Variants in TLL1 observed in about 807,000 individuals in gnomAD.
TLL1 encodes tolloid like 1, also known as tolloid-like protein 1.
In TLL1, 49 loss-of-function variants were observed where a neutral mutation model predicts 128.2. The observed-to-expected ratio is 0.38, with a 90% CI of 0.30 to 0.48. The LOEUF (loss-of-function observed/expected upper bound fraction) is 0.48, where lower values mean the gene tolerates loss of function less well. TLL1 is among the 20% of genes least tolerant of loss of function. The pLI is 0.96. For synonymous variants in TLL1, 454 were observed against 418.8 expected, an observed-to-expected ratio of 1.08 and a Z score of -1.03; for missense variants, 1,123 against 1,242.0, an observed-to-expected ratio of 0.90 and a Z score of 1.44.
chr4:166,091,189 T>C lies in TLL1; in HGVS notation c.2504T>C (p.Phe835Ser), dbSNP rs1451278389. Reference sequence around the variant, plus strand: ...TGTGCTTATGACCACTTAGAAGTATTTGATGGAGAAACAGAAAAGTCACCG... The same window carrying C: ...TGTGCTTATGACCACTTAGAAGTATCTGATGGAGAAACAGAAAAGTCACCG... The part of the protein sequence containing the change: ...QECAYDHLEV[F>S]DGETEKSPIL... Residue 835 changes from phenylalanine (F) to serine (S), a missense_variant, in exon 19 of 21, where the codon TTT becomes TCT. This residue lies in a region of TLL1 where 634 missense variants were observed against 672.4 expected (regional missense o/e 0.94). Coordinates refer to ENST00000061240, the MANE Select transcript of TLL1 (RefSeq NM_012464.5). 6.2e-7 allele frequency: 1 copy of C among 1,613,144 alleles called. No individual in the cohort carries two copies. The highest frequency in any genetic ancestry group is 8.5e-7 in the Non-Finnish European group (1 of 1,179,500).
intron 1 of TLL1, among the ~76,000 whole-genome samples, chr4:165,905,533 G>T (rs554805999): frequency 6.6e-6 from 1 of 152,116 alleles, no homozygotes; most frequent in East Asian, 1.9e-4. Context: ...ATTCTTCCTG[G>T]TTATTGTGAT....
intron 1 of TLL1, among the ~76,000 whole-genome samples, chr4:165,963,488 C>T (rs1197118402): frequency 6.6e-6 from 1 of 151,738 alleles, no homozygotes; most frequent in East Asian, 1.9e-4. Context: ...TCATTTTTTT[C>T]TCTCTTTATC....
intron 1 of TLL1, among the ~76,000 whole-genome samples, chr4:165,948,147 T>C (rs571980130): frequency 6.6e-6 from 1 of 152,238 alleles, no homozygotes; most frequent in Admixed American, 6.6e-5. Context: ...TGGATACTGC[T>C]TTGTACCCGT....
chr4:166,044,276 CCTA>C, intron 12 of TLL1: 1 of 995,190 alleles, frequency 1.0e-6, no homozygotes, highest in East Asian at 2.7e-5. Flanking sequence ...AGTCATGAGC[CCTA>C]CTACCCAGTG....
At chr4:165,993,410 AT>A (rs1188706705) in intron 3 of TLL1, among the ~76,000 whole-genome samples, 1 of 152,056 alleles carries the variant, frequency 6.6e-6, no homozygotes, top group Non-Finnish European at 1.5e-5. Context: ...TGTATTAAAA[AT>A]TATTTGTAGA....
chr4:166,098,351 A>G (rs1742124710), intron 19 of TLL1, among the ~76,000 whole-genome samples: 1 of 150,734 alleles, frequency 6.6e-6, no homozygotes, highest in South Asian at 2.1e-4. Flanking sequence ...AAAAAAAAAA[A>G]AAAAGCTTTG....
chr4:165,919,556 CATA>C lies in TLL1; in HGVS notation c.169+45486_169+45488del, dbSNP rs952300739. Among the ~76,000 whole-genome samples the C allele has an allele frequency of 1.4e-3, 210 of 151,484 alleles. 1 individual carries two copies. Among genetic ancestry groups the C allele is most frequent in the African/African-American group, 4.9e-3 (203 of 41,268 alleles). On this transcript the variant is annotated intron_variant, in intron 1 of 20. Transcript: ENST00000061240. Reference sequence around the variant, plus strand: ...TAATTAACTGACTTTCTGTGTATTCCATAATTATTTGGAATATGGAGTTGTAAT... The same window carrying C: ...TAATTAACTGACTTTCTGTGTATTCCATTATTTGGAATATGGAGTTGTAAT...
intron 1 of TLL1, among the ~76,000 whole-genome samples, chr4:165,875,486 G>T (rs1730685185): frequency 6.6e-6 from 1 of 151,948 alleles, no homozygotes; most frequent in African/African-American, 2.4e-5. Flanking sequence ...CTGGAACTCA[G>T]AATTCTGATT....
chr4:166,055,294 CGT>C, intron 13 of TLL1, 23 bp downstream of exon 13: 16 of 1,598,962 alleles, frequency 1.0e-5, no homozygotes, highest in Non-Finnish European at 1.4e-5. Flanking sequence ...AATTTTCAAA[CGT>C]GAGATTTTCT....
chr4:165,956,955 T>A (rs2110950791), intron 1 of TLL1, among the ~76,000 whole-genome samples: 2 of 152,094 alleles, frequency 1.3e-5, no homozygotes, highest in African/African-American at 4.8e-5. Flanking sequence ...CACAATTGCA[T>A]CTACAAAACA....
At chr4:165,884,293 A>T (rs1731083484) in intron 1 of TLL1, among the ~76,000 whole-genome samples, 1 of 152,202 alleles carries the variant, frequency 6.6e-6, no homozygotes, top group Admixed American at 6.5e-5. Context: ...ACTATTATAA[A>T]TTATGGTAAT....
chr4:165,972,817 T>A lies in TLL1; in HGVS notation c.170-16564T>A, dbSNP rs10026709. Among the ~76,000 whole-genome samples the A allele has an allele frequency of 6.6e-3, 1,002 of 152,308 alleles. 12 individuals carry two copies. The highest frequency in any genetic ancestry group is 0.023 in the African/African-American group (957 of 41,562). ...TAATACCACCTTCTACCATCAGTCT[T>A]GGCCTTCAGAGGAACATCAAGTCTG... On this transcript the variant is annotated intron_variant, in intron 1 of 20. Coordinates refer to ENST00000061240, the MANE Select transcript of TLL1 (RefSeq NM_012464.5).
chr4:165,884,415 A>G (rs1294035459), intron 1 of TLL1, among the ~76,000 whole-genome samples: 1 of 152,244 alleles, frequency 6.6e-6, no homozygotes, highest in Non-Finnish European at 1.5e-5. Flanking sequence ...CTTTTAAGTA[A>G]GTACTTTGTA....
intron 1 of TLL1, among the ~76,000 whole-genome samples, chr4:165,957,965 GT>G: frequency 6.7e-6 from 1 of 149,176 alleles, no homozygotes; most frequent in South Asian, 2.1e-4. Flanking sequence ...GCGGTGTTTG[GT>G]TTTTTGTCCT....
At chr4:166,089,970 A>T (rs1378807908) in intron 18 of TLL1, among the ~76,000 whole-genome samples, 4 of 152,034 alleles carry the variant, frequency 2.6e-5, no homozygotes, top group Admixed American at 2.6e-4. Context: ...GTGGTATGGA[A>T]TAGACAGTGG....
At chr4:165,886,874 C>A (rs1045938713) in intron 1 of TLL1, among the ~76,000 whole-genome samples, 100 of 152,072 alleles carry the variant, frequency 6.6e-4, no homozygotes, top group Non-Finnish European at 3.1e-4. Context: ...AATTATGCAT[C>A]TCAGGGAAGG....
intron 18 of TLL1, among the ~76,000 whole-genome samples, chr4:166,087,430 C>T (rs1011902254): frequency 1.3e-5 from 2 of 152,074 alleles, no homozygotes; most frequent in Admixed American, 6.6e-5. Context: ...CTCCATGACG[C>T]CATTTTTTTC....
chr4:165,974,387 G>C (rs574665281), intron 1 of TLL1, among the ~76,000 whole-genome samples: 1 of 130,568 alleles, frequency 7.7e-6, no homozygotes, highest in Admixed American at 7.1e-5. Flanking sequence ...TGATCCGCCC[G>C]CCTCGGCCTC....
rs1032452862 is a variant in TLL1, at chr4:166,003,669, A to T, written c.811+100A>T. 14 of 1,207,608 alleles carry T rather than the reference A, an allele frequency of 1.2e-5. No homozygotes were observed. In the South Asian group the frequency reaches 1.6e-4, roughly 14 times the overall value. The allele number at this position is 1,207,608 out of a possible 1,614,324, so 74.8% of individuals were successfully genotyped here. A position where few individuals can be genotyped will look rare whatever the true frequency, so the allele number is the denominator to read the frequency against. On this transcript the variant is annotated intron_variant, in intron 6 of 20. Transcript: ENST00000061240. ...CACTTTCCCAAAAATGTAAACTGATATTTTTGATATGATAGAGTAACATTT... is the reference window on the plus strand; with the variant it reads ...CACTTTCCCAAAAATGTAAACTGATTTTTTTGATATGATAGAGTAACATTT...
Sources: allele counts gnomAD v4.1 joint callset (sites outside exome capture counted in the v4.1 genomes callset), GRCh38; gene constraint gnomAD v4.1.1; regional missense constraint gnomAD v4.1.1; transcripts MANE v1.5; gene names NCBI Gene and HGNC (gene_info 2026-07-23, HGNC 2026-07-21).